PRRX2: variants seen among roughly 807,000 people sequenced by gnomAD.
PRRX2 encodes paired mesoderm homeobox protein 2.
In PRRX2, 11 loss-of-function variants were observed where a neutral mutation model predicts 18.0. That is an observed-to-expected ratio of 0.61 (90% CI 0.39 to 1.01). The LOEUF (loss-of-function observed/expected upper bound fraction) is 1.01. Among genes scored for constraint, PRRX2 ranks in the 50% least tolerant of loss-of-function variants. PRRX2 has a pLI of 0.01. For synonymous variants in PRRX2, 177 were observed against 154.8 expected, an observed-to-expected ratio of 1.14 and a Z score of -1.06; for missense variants, 387 against 351.0, an observed-to-expected ratio of 1.10 and a Z score of -0.82.
At chr9:129,704,602 G>A (rs1176826042) in intron 1 of PRRX2, among the ~76,000 whole-genome samples, 2 of 152,192 alleles carry the variant, frequency 1.3e-5, no homozygotes, top group East Asian at 3.8e-4. Context: ...GCACATCTCA[G>A]CAGACAGAAC....
chr9:129,677,398 G>A (rs969646584), intron 1 of PRRX2, among the ~76,000 whole-genome samples: 4 of 152,246 alleles, frequency 2.6e-5, no homozygotes, highest in Admixed American at 6.5e-5. Flanking sequence ...ACCTCACGCC[G>A]GTGCCTCAGA....
In PRRX2 at chr9:129,720,590, C is replaced by T. The variant is rs1832776231; in HGVS notation, c.448-6C>T. 1.9e-6 allele frequency: 3 copies of T among 1,600,414 alleles called. 1 individual carries two copies. In the South Asian group the frequency reaches 3.4e-5, roughly 18 times the overall value. ...TGCTGCACCCTGCTCACCCTCCCAC[C>T]CACAGGTCTGGTTTCAGAACCGCCG... On this transcript the variant is annotated splice_polypyrimidine_tract_variant and splice_region_variant and intron_variant, in intron 2 of 3. Transcript: ENST00000372469.
intron 1 of PRRX2, among the ~76,000 whole-genome samples, chr9:129,684,483 C>A (rs1832274985): frequency 3.2e-5 from 1 of 30,924 alleles, no homozygotes; most frequent in Non-Finnish European, 6.0e-5. Context: ...TACCAGAAAT[C>A]ACACACACAC....
chr9:129,673,067 T>C (rs1470851905), intron 1 of PRRX2, among the ~76,000 whole-genome samples: 1 of 152,122 alleles, frequency 6.6e-6, no homozygotes, highest in Non-Finnish European at 1.5e-5. Context: ...GCGTTAAAGG[T>C]TTGCCAAGAA....
chr9:129,666,044 CG>C lies in PRRX2; in HGVS notation c.181del (p.Ala61ProfsTer135). On this transcript the variant is annotated frameshift_variant, in exon 1 of 4. Transcript: ENST00000372469. LOFTEE classifies it high-confidence loss of function. Reference protein sequence around the residue: ...AAAGRLAARPGARAEAREGAA... With the variant: ...AAAGRLAARPXARAEAREGAA... ...CGGCCGGGCGGCTGGCGGCGCGCCC[CG>C]GGGCCAGGGCCGAGGCGCGGGAGGG... 9.5e-7 allele frequency: 1 copy of C among 1,052,296 alleles called. No homozygotes were observed. Among genetic ancestry groups the C allele is most frequent in the East Asian group, 7.9e-5 (1 of 12,632 alleles). The allele number at this position is 1,052,296 out of a possible 1,614,324, so 65.2% of individuals were successfully genotyped here.
At chr9:129,697,137 G>C (rs2130922071) in intron 1 of PRRX2, among the ~76,000 whole-genome samples, 1 of 152,352 alleles carries the variant, frequency 6.6e-6, no homozygotes, top group African/African-American at 2.4e-5. Flanking sequence ...GGACACGTAG[G>C]AACTGCCTTT....
chr9:129,706,743 A>G (rs1832562535), intron 1 of PRRX2, among the ~76,000 whole-genome samples: 1 of 152,158 alleles, frequency 6.6e-6, no homozygotes, highest in Admixed American at 6.6e-5. Flanking sequence ...AAATTAAATT[A>G]GAAAGATAAA....
At chr9:129,702,627 G>A (rs1832512004) in intron 1 of PRRX2, among the ~76,000 whole-genome samples, 1 of 152,220 alleles carries the variant, frequency 6.6e-6, no homozygotes, top group South Asian at 2.1e-4. Flanking sequence ...CAGAGCTAGA[G>A]TGTGGACTGG....
intron 1 of PRRX2, among the ~76,000 whole-genome samples, chr9:129,674,365 T>G (rs1001736901): frequency 1.3e-5 from 2 of 152,194 alleles, no homozygotes; most frequent in African/African-American, 4.8e-5. Context: ...CTGTGATTGA[T>G]TCTGCTTTTC....
chr9:129,674,345 T>C (rs1239529351), intron 1 of PRRX2, among the ~76,000 whole-genome samples: 1 of 152,186 alleles, frequency 6.6e-6, no homozygotes, highest in Admixed American at 6.5e-5. Flanking sequence ...GATATTATTC[T>C]GGTTTATCTC....
At chr9:129,678,767 A>G (rs966434985) in intron 1 of PRRX2, among the ~76,000 whole-genome samples, 14 of 151,960 alleles carry the variant, frequency 9.2e-5, no homozygotes, top group African/African-American at 3.4e-4. Context: ...GAGTGTCCAG[A>G]GTGGCCACTC....
chr9:129,711,598 G>A (rs375503904), intron 1 of PRRX2, among the ~76,000 whole-genome samples: 1 of 151,866 alleles, frequency 6.6e-6, no homozygotes, highest in Non-Finnish European at 1.5e-5. Flanking sequence ...AGTAGAGACC[G>A]GGGTTTCACC....
chr9:129,679,809 C>T (rs1832204841), intron 1 of PRRX2, among the ~76,000 whole-genome samples: 1 of 152,196 alleles, frequency 6.6e-6, no homozygotes, highest in African/African-American at 2.4e-5. Context: ...GTGATGCAGA[C>T]AGAGAAATGT....
intron 1 of PRRX2, among the ~76,000 whole-genome samples, chr9:129,712,550 C>T (rs2278623): frequency 0.11 from 17,456 of 152,056 alleles, 2,345 homozygotes; most frequent in East Asian, 0.33. Flanking sequence ...CTAAATGGTA[C>T]GTGTGAAATA....
intron 1 of PRRX2, among the ~76,000 whole-genome samples, chr9:129,684,501 C>T (rs1044109910): frequency 2.6e-5 from 2 of 78,050 alleles, no homozygotes; most frequent in Non-Finnish European, 5.9e-5. Context: ...CACACACACA[C>T]ACACACACAC....
rs551084228 is a variant in PRRX2, at chr9:129,696,252, C to A, written c.260-22979C>A. The stretch of plus-strand genomic sequence containing the variant: ...TTTCAAAACGAAAACAAGCCACATA[C>A]CCCTGAATAGTAGAATGGTACTTCT... On this transcript the variant is annotated intron_variant, in intron 1 of 3. Transcript: ENST00000372469. Among the ~76,000 whole-genome samples the A allele has an allele frequency of 4.6e-5, 7 of 152,206 alleles. No individual in the cohort carries two copies. The South Asian group carries it at 1.5e-3, about 32-fold the overall frequency.
rs1832599920 is a variant in PRRX2, at chr9:129,709,904, C to T, written c.260-9327C>T. On this transcript the variant is annotated intron_variant, in intron 1 of 3. Transcript: ENST00000372469. This position sits in a 1 kb window ranked among gnomAD's most constrained non-coding sequence, Gnocchi z 4.2. ...GCCCTTCCCATGCCTCCCCTTCACT[C>T]AACACTCAGCACTCAACACAGATTG... 6.6e-6 allele frequency among the ~76,000 whole-genome samples: 1 copy of T among 152,114 alleles called. No individual in the cohort carries two copies. Among genetic ancestry groups the T allele is most frequent in the South Asian group, 2.1e-4 (1 of 4,828 alleles).
chr9:129,678,733 T>C (rs1832191616), intron 1 of PRRX2, among the ~76,000 whole-genome samples: 2 of 152,020 alleles, frequency 1.3e-5, no homozygotes, highest in African/African-American at 4.8e-5. Flanking sequence ...TTAAGAGCAG[T>C]GGGGATGCGT....
rs190241986 is a variant in PRRX2, at chr9:129,677,197, G to A, written c.259+11071G>A. Among the ~76,000 whole-genome samples the A allele has an allele frequency of 3.1e-3, 478 of 152,336 alleles. 4 individuals are homozygous for A. The highest frequency in any genetic ancestry group is 0.011 in the African/African-American group (460 of 41,576). On this transcript the variant is annotated intron_variant, in intron 1 of 3. Transcript: ENST00000372469. The stretch of plus-strand genomic sequence containing the variant: ...AGCACAGAGCGCCCCCAGCGATCCC[G>A]TTCTTACCATCTGCCAGTCTCCGAG...
Sources: gnomAD v4.1 joint callset for allele counts (sites outside exome capture counted in the v4.1 genomes callset) on GRCh38, gnomAD v4.1.1 for gene constraint, Gnocchi (gnomAD v3.1) non-coding constraint, MANE v1.5 for transcripts, NCBI Gene and HGNC (gene_info 2026-07-23, HGNC 2026-07-21) for gene names.